Variants in HNRNPA2B1 observed in about 807,000 individuals in gnomAD.
HNRNPA2B1 encodes heterogeneous nuclear ribonucleoproteins A2/B1.
A neutral mutation model predicts 46.3 loss-of-function variants in HNRNPA2B1; 3 were observed. The observed-to-expected ratio is 0.06, with a 90% CI of 0.03 to 0.17. HNRNPA2B1 has a LOEUF of 0.17. HNRNPA2B1 is among the 10% of genes least tolerant of loss of function. The pLI, the probability that HNRNPA2B1 is intolerant of heterozygous loss-of-function variation, is 1.00. For missense variants in HNRNPA2B1, 221 were observed against 418.9 expected (o/e 0.53, Z 4.12); for synonymous variants, 225 against 133.8 (o/e 1.68, Z -4.70).
intron 7 of HNRNPA2B1, among the ~76,000 whole-genome samples, chr7:26,193,957 C>CTTGAAATACTTCATGTATA (rs1783201253): frequency 6.6e-6 from 1 of 152,208 alleles, no homozygotes; most frequent in Admixed American, 6.5e-5. Flanking sequence ...TCTTAAGTAT[C>CTTGAAATACTTCATGTATA]TTGAAATACT....
chr7:26,198,651 A>G (rs1426221552), intron 1 of HNRNPA2B1: 2 of 152,304 alleles, frequency 1.3e-5, no homozygotes, highest in Non-Finnish European at 1.5e-5. Context: ...TGAAATCTTT[A>G]TATGCTGTAC....
rs538052021 is a variant in HNRNPA2B1, at chr7:26,194,212, C to G, written c.722-518G>C. Among the ~76,000 whole-genome samples the G allele has an allele frequency of 3.5e-4, 53 of 152,114 alleles. No individual in the cohort carries two copies. In the East Asian group the frequency reaches 8.1e-3, roughly 23 times the overall value. Reference sequence around the variant, plus strand: ...GAGATTGAGACCACCCTGGCTAACACGGTGAAACCCCATCTCTACTAAAAA... The same window carrying G: ...GAGATTGAGACCACCCTGGCTAACAGGGTGAAACCCCATCTCTACTAAAAA... On this transcript the variant is annotated intron_variant, in intron 7 of 10. Coordinates refer to ENST00000618183, the MANE Select transcript of HNRNPA2B1 (RefSeq NM_002137.4).
intron 1 of HNRNPA2B1, chr7:26,199,153 CA>C (rs1317223363): frequency 1.3e-5 from 2 of 152,468 alleles, no homozygotes; most frequent in Admixed American, 6.5e-5. Flanking sequence ...ACAAGTTTTA[CA>C]AATCACTAAC....
intron 2 of HNRNPA2B1, 79 bp downstream of exon 2, chr7:26,197,543 T>C (rs1783784997): frequency 6.4e-7 from 1 of 1,561,426 alleles, no homozygotes; most frequent in African/African-American, 1.4e-5. Context: ...TTTACTATGC[T>C]GATAGTTATT....
Position 26,200,660 on chromosome 7 carries a change from G to C in HNRNPA2B1, c.-83C>G. 1.3e-6 allele frequency: 2 copies of C among 1,570,782 alleles called. No homozygotes were observed. Among genetic ancestry groups the C allele is most frequent in the Non-Finnish European group, 1.7e-6 (2 of 1,143,564 alleles). On this transcript the variant is annotated 5_prime_UTR_variant, in exon 1 of 11. Coordinates refer to ENST00000618183, the MANE Select transcript of HNRNPA2B1 (RefSeq NM_002137.4). ...CCGCGGACGAACACGAACCGGACTC[G>C]TCCTGGCGCTGTAGTGAGAACTGCC...
In HNRNPA2B1 at chr7:26,192,498, T is replaced by C. The variant is rs779388965; in HGVS notation, c.*18A>G. On this transcript the variant is annotated 3_prime_UTR_variant, in exon 10 of 11. Transcript: ENST00000618183. Reference sequence around the variant, plus strand: ...GTAAAACTCAAAAGCTACTTACCCATGGCAAATAGGAAGAAGCTCAGTATC... The same window carrying C: ...GTAAAACTCAAAAGCTACTTACCCACGGCAAATAGGAAGAAGCTCAGTATC... 7.5e-6 allele frequency: 12 copies of C among 1,605,672 alleles called. No homozygotes were observed. Among genetic ancestry groups the C allele is most frequent in the Admixed American group, 6.7e-5 (4 of 59,994 alleles).
At position 26,197,308 on chromosome 7, in the gene HNRNPA2B1, T is replaced by G; in HGVS notation, c.264+7A>C. 6.2e-7 allele frequency: 1 copy of G among 1,602,682 alleles called. No individual in the cohort carries two copies. The highest frequency in any genetic ancestry group is 8.5e-7 in the Non-Finnish European group (1 of 1,173,916). On this transcript the variant is annotated splice_region_variant and intron_variant, in intron 3 of 10. Transcript: ENST00000618183. ...GTTAATGCACAAGACAGTCATTGTT[T>G]GCTTACCTCTCTTGCTACAGCACGT...
At chr7:26,200,502 C>T (rs1161733850) in intron 1 of HNRNPA2B1, 70 bp downstream of exon 1, 1 of 1,534,696 alleles carries the variant, frequency 6.5e-7, no homozygotes, top group Non-Finnish European at 9.0e-7. Flanking sequence ...GGCGGCTGGC[C>T]GACTTCCACT....
intron 9 of HNRNPA2B1, among the ~76,000 whole-genome samples, 166 bp downstream of exon 9, chr7:26,193,085 G>A (rs990171898): frequency 6.6e-6 from 1 of 152,092 alleles, no homozygotes; most frequent in African/African-American, 2.4e-5. Context: ...ACTGCTTGCT[G>A]AGTACTTCTG....
intron 7 of HNRNPA2B1, chr7:26,195,603 G>C (rs892401715): frequency 5.5e-5 from 27 of 491,904 alleles, no homozygotes; most frequent in African/African-American, 4.4e-4. Context: ...CAATCATTTT[G>C]CTTGAGAAAA....
intron 1 of HNRNPA2B1, chr7:26,199,228 T>C (rs1357558408): frequency 1.3e-5 from 2 of 152,758 alleles, no homozygotes; most frequent in East Asian, 1.9e-4. Context: ...CCACTATCGA[T>C]TTTAAACAAT....
At chr7:26,196,361 A>G in intron 6 of HNRNPA2B1, 40 bp downstream of exon 6, 1 of 1,485,030 alleles carries the variant, frequency 6.7e-7, no homozygotes, top group Non-Finnish European at 9.3e-7. Flanking sequence ...TTAAAATAAA[A>G]GCACACTCAT....
rs200966644 is a variant in HNRNPA2B1, at chr7:26,194,798, T to TAA, written c.721+1047_721+1048dup. On this transcript the variant is annotated intron_variant, in intron 7 of 10. Transcript: ENST00000618183. ...ACTTTCACATACTGCAAAACAAAAATAAAAAAAAAAAAAAGGCTGGGCATG... is the reference window on the plus strand; with the variant it reads ...ACTTTCACATACTGCAAAACAAAAATAAAAAAAAAAAAAAAAGGCTGGGCATG... 1.2e-4 allele frequency among the ~76,000 whole-genome samples: 14 copies of TAA among 118,266 alleles called. No homozygotes were observed. In the South Asian group the frequency reaches 1.5e-3, roughly 13 times the overall value. The allele number at this position is 118,266 out of a possible 152,430, so 77.6% of individuals were successfully genotyped here.
chr7:26,196,724 C>A, intron 4 of HNRNPA2B1, 66 bp from the exon 5 acceptor site: 2 of 1,568,254 alleles, frequency 1.3e-6, no homozygotes, highest in Non-Finnish European at 1.7e-6. Context: ...CAAAAGTTTA[C>A]CTTTCAATAA....
chr7:26,199,402 C>G (rs1185056447), intron 1 of HNRNPA2B1: 1 of 152,244 alleles, frequency 6.6e-6, no homozygotes, highest in African/African-American at 2.4e-5. Context: ...CAGTTTTGCA[C>G]ATCAATCCAT....
intron 1 of HNRNPA2B1, chr7:26,198,841 CATTA>C (rs1484125452): frequency 1.3e-5 from 2 of 152,380 alleles, no homozygotes; most frequent in African/African-American, 4.8e-5. Flanking sequence ...TAGCAAGCAG[CATTA>C]ATTGCTGCTC....
At position 26,190,570 on chromosome 7, in the gene HNRNPA2B1, A is replaced by G. The variant is rs1483199514; in HGVS notation, c.*1790T>C. ...TCAAAGAAGACTCATTGGTGTATAG[A>G]GTAAGCCCTGAGTATCACATTCCTG... is the stretch of plus-strand genomic sequence containing the variant. On this transcript the variant is annotated 3_prime_UTR_variant, in exon 11 of 11. Transcript: ENST00000618183. 1.3e-5 allele frequency: 2 copies of G among 152,262 alleles called. No homozygotes were observed. The highest frequency in any genetic ancestry group is 2.9e-5 in the Non-Finnish European group (2 of 68,030). The allele number at this position is 152,262 out of a possible 1,614,324, so 9.4% of individuals were successfully genotyped here. A position where few individuals can be genotyped will look rare whatever the true frequency, so the allele number is the denominator to read the frequency against.
chr7:26,196,362 GCA>G (rs1783638111), intron 6 of HNRNPA2B1, 37 bp downstream of exon 6: 6 of 1,481,922 alleles, frequency 4.0e-6, no homozygotes, highest in African/African-American at 1.4e-5. Context: ...TAAAATAAAA[GCA>G]CACTCATCCT....
chr7:26,195,200 ATTAT>A (rs1783420154), intron 7 of HNRNPA2B1, among the ~76,000 whole-genome samples: 2 of 151,768 alleles, frequency 1.3e-5, no homozygotes, highest in Non-Finnish European at 2.9e-5. Context: ...TAAAATTTTA[ATTAT>A]AAAAAGTAGA....
Sources: allele counts gnomAD v4.1 joint callset (sites outside exome capture counted in the v4.1 genomes callset), GRCh38; gene constraint gnomAD v4.1.1; transcripts MANE v1.5; gene names NCBI Gene and HGNC (gene_info 2026-07-23, HGNC 2026-07-21).